DCC: variants seen among roughly 807,000 people sequenced by gnomAD.
DCC encodes the protein DCC netrin 1 receptor.
DCC carries 58 observed loss-of-function variants against 172.5 expected under a neutral mutation model. That is an observed-to-expected ratio of 0.34 (90% CI 0.27 to 0.42). The LOEUF (loss-of-function observed/expected upper bound fraction) is 0.42, where lower values mean the gene tolerates loss of function less well. DCC is among the 10% of genes least tolerant of loss of function. The pLI, the probability that DCC is intolerant of heterozygous loss-of-function variation, is 1.00. For missense variants in DCC, 1,740 were observed against 1,791.0 expected (o/e 0.97, Z 0.51); for synonymous variants, 709 against 644.5 (o/e 1.10, Z -1.52).
intron 1 of DCC, among the ~76,000 whole-genome samples, chr18:52,408,155 C>T (rs954952340): frequency 1.4e-4 from 21 of 152,064 alleles, no homozygotes; most frequent in Admixed American, 1.4e-3. Flanking sequence ...TACTATCAAT[C>T]ACATATCCAA....
chr18:53,154,458 C>T (rs542508974), intron 7 of DCC, among the ~76,000 whole-genome samples: 18 of 152,112 alleles, frequency 1.2e-4, no homozygotes, highest in African/African-American at 3.6e-4. Context: ...GCCCTGAAGA[C>T]GATTTGTGGA....
intron 15 of DCC, among the ~76,000 whole-genome samples, chr18:53,349,187 C>A (rs911978667): frequency 2.0e-5 from 3 of 152,170 alleles, no homozygotes; most frequent in Non-Finnish European, 4.4e-5. Context: ...AAATCATCTC[C>A]CTCAAGTTGA....
chr18:52,695,694 G>A (rs74751700), intron 1 of DCC, among the ~76,000 whole-genome samples: 1 of 152,274 alleles, frequency 6.6e-6, no homozygotes, highest in East Asian at 1.9e-4. Flanking sequence ...TGGATAACTG[G>A]GGAGTATTTT....
At chr18:52,610,162 AAAAAAAAAAAAAAAAAAT>A (rs1333195889) in intron 1 of DCC, among the ~76,000 whole-genome samples, 13 of 17,204 alleles carry the variant, frequency 7.6e-4, no homozygotes, top group Admixed American at 1.1e-3. Context: ...AAAAAAAAAA[AAAAAAAAAAAAAAAAAAT>A]ATATATATAT....
At chr18:52,551,727 T>G (rs1643863744) in intron 1 of DCC, among the ~76,000 whole-genome samples, 2 of 126,280 alleles carry the variant, frequency 1.6e-5, no homozygotes, top group Non-Finnish European at 1.7e-5. Flanking sequence ...TACTCTCCTC[T>G]ACACACACAC....
chr18:52,908,964 A>T (rs1321690174), intron 3 of DCC, among the ~76,000 whole-genome samples: 2 of 152,174 alleles, frequency 1.3e-5, no homozygotes, highest in Non-Finnish European at 2.9e-5. Flanking sequence ...CCTGTCTCGT[A>T]TGCTAGCTGC....
At chr18:52,580,121 G>T (rs1190084064) in intron 1 of DCC, among the ~76,000 whole-genome samples, 1 of 152,128 alleles carries the variant, frequency 6.6e-6, no homozygotes, top group Non-Finnish European at 1.5e-5. Flanking sequence ...CTGCAAGTTG[G>T]GCTCAATTTC....
At chr18:52,418,115 G>A (rs1025998352) in intron 1 of DCC, among the ~76,000 whole-genome samples, 8 of 152,128 alleles carry the variant, frequency 5.3e-5, no homozygotes, top group African/African-American at 1.9e-4. Context: ...CCAACAGATC[G>A]TCAAAGGCTA....
intron 27 of DCC, chr18:53,505,409 T>C (rs960987076): frequency 3.3e-5 from 5 of 151,686 alleles, no homozygotes; most frequent in African/African-American, 1.2e-4. Context: ...ACAATGGGAG[T>C]TGGAGAGTGT....
intron 21 of DCC, among the ~76,000 whole-genome samples, chr18:53,433,906 T>C (rs1463647560): frequency 1.3e-5 from 2 of 152,216 alleles, no homozygotes; most frequent in African/African-American, 2.4e-5. Flanking sequence ...AATTAATTTA[T>C]CTTATTGCTT....
At chr18:53,041,222 T>C (rs1051480146) in intron 5 of DCC, among the ~76,000 whole-genome samples, 1 of 152,152 alleles carries the variant, frequency 6.6e-6, no homozygotes, top group Non-Finnish European at 1.5e-5. Flanking sequence ...AGTTTCAGTT[T>C]TCTGCATATG....
In DCC at chr18:52,615,673, C is replaced by G. The variant is rs371645657; in HGVS notation, c.92-136381C>G. ...TAGCAGGATGGGGAATAGGGCTCTT[C>G]TAATCATCAAGGAAGTTTGGTTAAG... On this transcript the variant is annotated intron_variant, in intron 1 of 28. Coordinates refer to ENST00000442544, the MANE Select transcript of DCC (RefSeq NM_005215.4). Among the ~76,000 whole-genome samples the G allele has an allele frequency of 1.3e-3, 196 of 152,248 alleles. 1 individual carries two copies. Among genetic ancestry groups the G allele is most frequent in the African/African-American group, 4.4e-3 (181 of 41,560 alleles).
At chr18:52,792,370 G>A (rs1323743252) in intron 2 of DCC, among the ~76,000 whole-genome samples, 1 of 152,190 alleles carries the variant, frequency 6.6e-6, no homozygotes, top group African/African-American at 2.4e-5. Flanking sequence ...TCATGGACGA[G>A]AAAGGAGGAA....
At chr18:52,596,653 C>A (rs191008359) in intron 1 of DCC, among the ~76,000 whole-genome samples, 1 of 152,180 alleles carries the variant, frequency 6.6e-6, no homozygotes, top group Non-Finnish European at 1.5e-5. Context: ...AATAAAATGA[C>A]CTGCTGAAAG....
chr18:53,289,668 A>T (rs1247193563), intron 12 of DCC, among the ~76,000 whole-genome samples: 2 of 152,188 alleles, frequency 1.3e-5, no homozygotes, highest in Non-Finnish European at 2.9e-5. Context: ...TAATAAAAAA[A>T]GATCATTAAC....
At chr18:52,541,875 G>GTATATATATATATACA (rs1555695198) in intron 1 of DCC, among the ~76,000 whole-genome samples, 3 of 115,202 alleles carry the variant, frequency 2.6e-5, no homozygotes, top group Non-Finnish European at 5.3e-5. Flanking sequence ...GTGTGTGTGT[G>GTATATATATATATACA]TATATATATA....
At chr18:53,176,296 A>C (rs1293010180) in intron 8 of DCC, among the ~76,000 whole-genome samples, 4 of 132,232 alleles carry the variant, frequency 3.0e-5, no homozygotes, top group Non-Finnish European at 6.4e-5. Context: ...AAACACCAAA[A>C]GCAATGGCAA....
At chr18:52,605,441 C>A (rs2034113795) in intron 1 of DCC, among the ~76,000 whole-genome samples, 1 of 152,114 alleles carries the variant, frequency 6.6e-6, no homozygotes, top group Non-Finnish European at 1.5e-5. Flanking sequence ...CTTCTACAAT[C>A]GCTAAGATTA....
intron 2 of DCC, among the ~76,000 whole-genome samples, chr18:52,790,194 A>G (rs1463909141): frequency 5.9e-5 from 9 of 152,168 alleles, no homozygotes; most frequent in Admixed American, 5.9e-4. Context: ...ACAATATGGA[A>G]GCCTGTAGCC....
Sources: gnomAD v4.1 joint callset for allele counts (sites outside exome capture counted in the v4.1 genomes callset) on GRCh38, gnomAD v4.1.1 for gene constraint, MANE v1.5 for transcripts, NCBI Gene and HGNC (gene_info 2026-07-23, HGNC 2026-07-21) for gene names.